The following ALK variants were observed in gnomAD, a reference collection of about 807,000 sequenced individuals.
ALK encodes the protein ALK receptor tyrosine kinase, also known as ALK tyrosine kinase receptor.
In ALK, 74 loss-of-function variants were observed where a neutral mutation model predicts 163.1. The ratio of observed to expected loss-of-function variants is 0.45; its 90% confidence interval spans 0.38 to 0.55. The LOEUF is 0.55. Ranked by LOEUF, ALK falls within the 20% of genes least tolerant of loss-of-function variation. The pLI is 0.00. For missense variants in ALK, 2,063 were observed against 2,105.3 expected, an observed-to-expected ratio of 0.98 and a Z score of 0.39; for synonymous variants, 960 against 843.2, an observed-to-expected ratio of 1.14 and a Z score of -2.40.
intron 8 of ALK, among the ~76,000 whole-genome samples, chr2:29,313,588 G>T (rs1004225424): frequency 1.4e-4 from 22 of 152,274 alleles, no homozygotes; most frequent in Admixed American, 9.2e-4. Context: ...AGTTGAGAAG[G>T]TTCCATCTGT....
chr2:29,784,276 G>T (rs375704725), intron 1 of ALK, among the ~76,000 whole-genome samples: 2 of 152,286 alleles, frequency 1.3e-5, no homozygotes, highest in East Asian at 1.9e-4. Context: ...CATGAATGAC[G>T]AGAGTTTCTC....
At chr2:29,919,042 A>G (rs1164474658) in intron 1 of ALK, among the ~76,000 whole-genome samples, 1 of 152,206 alleles carries the variant, frequency 6.6e-6, no homozygotes, top group African/African-American at 2.4e-5. Flanking sequence ...AGTTAGAAGT[A>G]AGTGCCTGCA....
chr2:29,576,398 C>T (rs1460550108), intron 3 of ALK, among the ~76,000 whole-genome samples: 1 of 152,240 alleles, frequency 6.6e-6, no homozygotes, highest in Admixed American at 6.5e-5. Context: ...CCACCATGCA[C>T]ACTGCCTTCC....
chr2:29,265,013 T>C (rs1573174687), intron 11 of ALK, among the ~76,000 whole-genome samples: 1 of 151,544 alleles, frequency 6.6e-6, no homozygotes, highest in Non-Finnish European at 1.5e-5. Flanking sequence ...CCCTGTTTTT[T>C]TTTTGTTGTT....
At chr2:29,341,401 G>A (rs1273732440) in intron 5 of ALK, among the ~76,000 whole-genome samples, 1 of 152,216 alleles carries the variant, frequency 6.6e-6, no homozygotes, top group African/African-American at 2.4e-5. Context: ...CACCATACAT[G>A]GAGGAGAGTG....
Position 29,565,347 on chromosome 2 carries a change from C to T in ALK, c.953-33231G>A, listed in dbSNP as rs1028322285. On this transcript the variant is annotated intron_variant, in intron 3 of 28. Transcript: ENST00000389048. ...GGCGTTAGCTTCCTACTGGTGAGCA[C>T]GGAAGGGCAGGAAGATGGATACATA... 3.3e-5 allele frequency among the ~76,000 whole-genome samples: 5 copies of T among 152,058 alleles called. No individual in the cohort carries two copies. In the South Asian group the frequency reaches 6.2e-4, roughly 19 times the overall value.
intron 1 of ALK, among the ~76,000 whole-genome samples, chr2:29,900,277 G>A (rs1256915229): frequency 6.6e-6 from 1 of 152,220 alleles, no homozygotes; most frequent in African/African-American, 2.4e-5. Context: ...CCTGAGCAGT[G>A]TCAATGGAGA....
intron 4 of ALK, among the ~76,000 whole-genome samples, chr2:29,505,967 T>C (rs536852946): frequency 4.1e-4 from 63 of 152,208 alleles, no homozygotes; most frequent in African/African-American, 1.4e-3. Flanking sequence ...CCCGAAATAA[T>C]GAGTTCAGGT....
chr2:29,743,289 G>A (rs779572517), intron 1 of ALK, among the ~76,000 whole-genome samples: 1 of 152,128 alleles, frequency 6.6e-6, no homozygotes, highest in Non-Finnish European at 1.5e-5. Flanking sequence ...AATTTCCTCT[G>A]TTTCATTTAG....
Position 29,227,159 on chromosome 2 carries a change from G to A in ALK, c.2915-85C>T, listed in dbSNP as rs1365842429. ...AGTACTATGTCTCCAGGTGGTCACT[G>A]TGGGTGCTCTGGTGGTCCCTGTTCC... On this transcript the variant is annotated intron_variant, in intron 17 of 28. Transcript: ENST00000389048. This position sits in a 1 kb window ranked among gnomAD's most constrained non-coding sequence, Gnocchi z 4.4. 1 of 1,579,660 alleles carries A rather than the reference G, an allele frequency of 6.3e-7. No individual in the cohort carries two copies. The highest frequency in any genetic ancestry group is 8.7e-7 in the Non-Finnish European group (1 of 1,150,808).
At chr2:29,671,432 C>G (rs79110575) in intron 3 of ALK, among the ~76,000 whole-genome samples, 1 of 152,030 alleles carries the variant, frequency 6.6e-6, no homozygotes, top group Non-Finnish European at 1.5e-5. Context: ...TGGCTGGAGA[C>G]GGCAGTCCTA....
intron 1 of ALK, among the ~76,000 whole-genome samples, chr2:29,750,099 T>A (rs549193912): frequency 1.1e-4 from 16 of 152,202 alleles, no homozygotes; most frequent in Admixed American, 3.3e-4. Flanking sequence ...GAGGGCATGA[T>A]TGCATGGGAC....
intron 3 of ALK, among the ~76,000 whole-genome samples, chr2:29,621,280 C>T (rs944142080): frequency 3.3e-5 from 5 of 152,178 alleles, no homozygotes; most frequent in African/African-American, 9.6e-5. Context: ...TTGTTCATCG[C>T]TTTTTTTGTT....
intron 1 of ALK, among the ~76,000 whole-genome samples, chr2:29,758,005 CTT>C (rs1213067837): frequency 0.02 from 2,056 of 104,840 alleles, 11 homozygotes; most frequent in African/African-American, 0.049. Flanking sequence ...CCCGCATCCT[CTT>C]TTTTTTTTTT....
At chr2:29,905,990 C>G (rs550471289) in intron 1 of ALK, among the ~76,000 whole-genome samples, 1 of 152,166 alleles carries the variant, frequency 6.6e-6, no homozygotes, top group Admixed American at 6.5e-5. Context: ...CTATTGTACC[C>G]CTGCCTGCAG....
chr2:29,713,932 T>C (rs1327923443), intron 2 of ALK, among the ~76,000 whole-genome samples: 1 of 152,002 alleles, frequency 6.6e-6, no homozygotes, highest in Non-Finnish European at 1.5e-5. Flanking sequence ...ATGTGATTCT[T>C]CCCATACCCA....
At chr2:29,475,287 A>C (rs1172020151) in intron 4 of ALK, among the ~76,000 whole-genome samples, 1 of 152,134 alleles carries the variant, frequency 6.6e-6, no homozygotes, top group African/African-American at 2.4e-5. Context: ...GGGGCAGCAA[A>C]AGAGGAAGAC....
At chr2:29,378,278 G>A (rs1353935295) in intron 5 of ALK, among the ~76,000 whole-genome samples, 1 of 152,202 alleles carries the variant, frequency 6.6e-6, no homozygotes, top group Non-Finnish European at 1.5e-5. Context: ...AGCACCTTGG[G>A]CTGGTCAGTA....
chr2:29,460,559 T>C (rs1332105959), intron 4 of ALK, among the ~76,000 whole-genome samples: 1 of 152,192 alleles, frequency 6.6e-6, no homozygotes, highest in Non-Finnish European at 1.5e-5. Context: ...ATTTTTTCAT[T>C]ATTATTATAT....
Sources: allele counts gnomAD v4.1 joint callset (sites outside exome capture counted in the v4.1 genomes callset), GRCh38; gene constraint gnomAD v4.1.1; non-coding constraint Gnocchi (gnomAD v3.1); transcripts MANE v1.5; gene names NCBI Gene and HGNC (gene_info 2026-07-23, HGNC 2026-07-21).